SHB: variants seen among roughly 807,000 people sequenced by gnomAD.
SHB encodes the protein SH2 domain-containing adapter protein B.
Under a neutral mutation model 52.3 loss-of-function variants are expected in SHB, and 20 were observed. That is an observed-to-expected ratio of 0.38 (90% CI 0.27 to 0.56). SHB has a LOEUF of 0.56. SHB is among the 20% of genes least tolerant of loss of function. The probability of loss-of-function intolerance (pLI) is 0.71; values close to 1 mark genes in which losing one functional copy is unlikely to be tolerated. For missense variants in SHB, 825 were observed against 723.3 expected, an observed-to-expected ratio of 1.14 and a Z score of -1.61; for synonymous variants, 397 against 316.5, an observed-to-expected ratio of 1.25 and a Z score of -2.70.
chr9:37,946,689 C>T lies in SHB; in HGVS notation c.1346+1946G>A, dbSNP rs563721302. On this transcript the variant is annotated intron_variant, in intron 5 of 5. Transcript: ENST00000377707. Reference sequence around the variant, plus strand: ...CTCTGGTCCTCTAGGATGAACGGCCCGGTTTGGCATGGAGTGCTCTGTCCT... The same window carrying T: ...CTCTGGTCCTCTAGGATGAACGGCCTGGTTTGGCATGGAGTGCTCTGTCCT... Among the ~76,000 whole-genome samples, 23 of 152,278 alleles carry T rather than the reference C, an allele frequency of 1.5e-4. No individual in the cohort carries two copies. The Middle Eastern group carries it at 0.014, about 90-fold the overall frequency.
At chr9:37,972,186 G>T (rs921723323) in intron 3 of SHB, among the ~76,000 whole-genome samples, 1 of 152,138 alleles carries the variant, frequency 6.6e-6, no homozygotes, top group Non-Finnish European at 1.5e-5. Flanking sequence ...GTGGGTCCTC[G>T]GTGTCTGGGA....
intron 1 of SHB, among the ~76,000 whole-genome samples, chr9:38,066,602 C>G (rs1206873627): frequency 6.6e-6 from 1 of 152,248 alleles, no homozygotes; most frequent in South Asian, 2.1e-4. Context: ...TCCAAGCTTC[C>G]GAGGGGTGCC....
intron 5 of SHB, among the ~76,000 whole-genome samples, chr9:37,941,021 G>A (rs954774936): frequency 6.6e-6 from 1 of 152,250 alleles, no homozygotes; most frequent in Non-Finnish European, 1.5e-5. Context: ...GAGTGCAAGA[G>A]AGGTGAGAGG....
chr9:38,022,885 G>A (rs572188319), intron 1 of SHB, among the ~76,000 whole-genome samples: 18 of 152,350 alleles, frequency 1.2e-4, no homozygotes, highest in Middle Eastern at 3.4e-3. Flanking sequence ...CTCCTGCTGC[G>A]TGGGGTGTCC....
intron 1 of SHB, among the ~76,000 whole-genome samples, chr9:38,053,381 G>T (rs1202204090): frequency 6.6e-6 from 1 of 152,116 alleles, no homozygotes; most frequent in African/African-American, 2.4e-5. Flanking sequence ...GGGACTACAG[G>T]CGCTTGCCAC....
intron 5 of SHB, among the ~76,000 whole-genome samples, chr9:37,941,181 T>A (rs1422806027): frequency 6.6e-6 from 1 of 152,152 alleles, no homozygotes; most frequent in Non-Finnish European, 1.5e-5. Context: ...GACTTCCAGG[T>A]TGAACCCAGA....
intron 5 of SHB, among the ~76,000 whole-genome samples, chr9:37,939,136 A>G (rs1009973418): frequency 7.2e-5 from 11 of 152,012 alleles, no homozygotes; most frequent in Non-Finnish European, 1.3e-4. Flanking sequence ...GGCTTCCTAA[A>G]CTTCTCTCTC....
chr9:37,943,684 G>A (rs1832459596), intron 5 of SHB, among the ~76,000 whole-genome samples: 1 of 152,182 alleles, frequency 6.6e-6, no homozygotes, highest in Admixed American at 6.5e-5. Flanking sequence ...GCCACTCGGT[G>A]CCCCTTCCCA....
At chr9:37,957,027 G>A (rs1381900731) in intron 3 of SHB, among the ~76,000 whole-genome samples, 1 of 152,198 alleles carries the variant, frequency 6.6e-6, no homozygotes, top group African/African-American at 2.4e-5. Flanking sequence ...TCCTAAGCCT[G>A]CCAATGATTA....
chr9:38,068,638 T>G lies in SHB; in HGVS notation c.8A>C (p.Lys3Thr). The change falls in exon 1 of 6, where the codon AAG (lysine) becomes ACG (threonine). Residue 3 changes from lysine to threonine, a missense_variant. Lys to Thr is a moderately conservative substitution (Grantham distance 78). Transcript: ENST00000377707. ...CAAGCTGAAGTACTTGTTTAGCCAC[T>G]TGGCCATGGCGAGAGGCCGCCTAGG... MAKWLNKYFSLGN... is the reference protein window; with the variant it reads MATWLNKYFSLGN... 3 of 1,453,238 alleles carry G rather than the reference T, an allele frequency of 2.1e-6. No homozygotes were observed. The highest frequency in any genetic ancestry group is 2.7e-6 in the Non-Finnish European group (3 of 1,112,190). 90.0% of individuals were successfully genotyped at this position (1,453,238 alleles called of 1,614,324 possible). A position where few individuals can be genotyped will look rare whatever the true frequency, so the allele number is the denominator to read the frequency against.
intron 2 of SHB, among the ~76,000 whole-genome samples, chr9:38,006,346 C>A (rs973810041): frequency 1.3e-5 from 2 of 152,210 alleles, no homozygotes; most frequent in Non-Finnish European, 2.9e-5. Context: ...ACTTCCTAAT[C>A]GTGCCACACC....
chr9:38,062,090 A>G (rs1821901383), intron 1 of SHB, among the ~76,000 whole-genome samples: 1 of 152,244 alleles, frequency 6.6e-6, no homozygotes, highest in African/African-American at 2.4e-5. Context: ...GGATGCAAGA[A>G]GAGTAGCATT....
At chr9:37,963,087 G>A (rs1001730321) in intron 3 of SHB, among the ~76,000 whole-genome samples, 5 of 152,148 alleles carry the variant, frequency 3.3e-5, no homozygotes, top group African/African-American at 7.2e-5. Context: ...TGCCTTCCCC[G>A]GCGGAGGTGC....
chr9:37,999,831 G>A (rs1464742798), intron 2 of SHB, among the ~76,000 whole-genome samples: 1 of 152,244 alleles, frequency 6.6e-6, no homozygotes, highest in Non-Finnish European at 1.5e-5. Flanking sequence ...ACTGAGGCAT[G>A]CCTTGTCCAA....
chr9:38,017,874 C>T (rs1821234934), intron 1 of SHB, among the ~76,000 whole-genome samples: 2 of 152,182 alleles, frequency 1.3e-5, no homozygotes, highest in African/African-American at 4.8e-5. Flanking sequence ...TCTACTCTAC[C>T]ATTTGCAGAA....
At chr9:37,965,842 C>T (rs1013867522) in intron 3 of SHB, among the ~76,000 whole-genome samples, 21 of 152,154 alleles carry the variant, frequency 1.4e-4, no homozygotes, top group African/African-American at 4.8e-4. Context: ...CTCATCTGTA[C>T]AGTGGGGGCG....
intron 2 of SHB, among the ~76,000 whole-genome samples, chr9:37,981,439 T>A (rs894064284): frequency 6.6e-6 from 1 of 152,202 alleles, no homozygotes; most frequent in Non-Finnish European, 1.5e-5. Flanking sequence ...TTGCTCCAGA[T>A]TAGGCTTTGA....
At chr9:37,956,850 A>T (rs1487053609) in intron 3 of SHB, among the ~76,000 whole-genome samples, 1 of 152,194 alleles carries the variant, frequency 6.6e-6, no homozygotes, top group Non-Finnish European at 1.5e-5. Flanking sequence ...GACAGCACCC[A>T]TCTCATGGGG....
At chr9:38,001,934 G>T (rs1450490158) in intron 2 of SHB, among the ~76,000 whole-genome samples, 1 of 152,166 alleles carries the variant, frequency 6.6e-6, no homozygotes, top group Non-Finnish European at 1.5e-5. Flanking sequence ...ACGAGTGGTG[G>T]TGAGTGACTT....
Sources: allele counts gnomAD v4.1 joint callset (sites outside exome capture counted in the v4.1 genomes callset), GRCh38; gene constraint gnomAD v4.1.1; transcripts MANE v1.5; gene names NCBI Gene and HGNC (gene_info 2026-07-23, HGNC 2026-07-21).